DOCK8: variants seen among roughly 807,000 people sequenced by gnomAD.
DOCK8 encodes the protein dedicator of cytokinesis 8.
In DOCK8, 141 loss-of-function variants were observed where a neutral mutation model predicts 245.6. The observed-to-expected ratio is 0.57, with a 90% CI of 0.50 to 0.66. The LOEUF is 0.66. Among genes scored for constraint, DOCK8 ranks in the 30% least tolerant of loss-of-function variants. The pLI is 0.00. For synonymous variants in DOCK8, 1,168 were observed against 970.2 expected (o/e 1.20, Z -3.79); for missense variants, 2,965 against 2,603.4 (o/e 1.14, Z -3.02).
intron 2 of DOCK8, among the ~76,000 whole-genome samples, chr9:273,658 T>TAGGAAA (rs1387867307): frequency 6.6e-6 from 1 of 152,080 alleles, no homozygotes; most frequent in African/African-American, 2.4e-5. Flanking sequence ...TAACAGGCTT[T>TAGGAAA]AACCCTTTCT....
chr9:368,354 C>T (rs954728324), intron 15 of DOCK8: 2 of 715,578 alleles, frequency 2.8e-6, no homozygotes, highest in Non-Finnish European at 5.2e-6. Flanking sequence ...GAGCTTGGAA[C>T]ATACAGATCA....
At chr9:311,807 T>G (rs1028775839) in intron 5 of DOCK8, 147 bp from the exon 6 acceptor site, 2 of 979,858 alleles carry the variant, frequency 2.0e-6, no homozygotes, top group Non-Finnish European at 1.6e-6. Context: ...GTCATTCTTA[T>G]CAAATCCGCA....
At chr9:439,761 CAGAG>C (rs753818474) in intron 40 of DOCK8, among the ~76,000 whole-genome samples, 18 of 151,904 alleles carry the variant, frequency 1.2e-4, no homozygotes, top group Non-Finnish European at 2.4e-4. Context: ...TTTTTCCTCT[CAGAG>C]AGAAAAAAAT....
intron 14 of DOCK8, among the ~76,000 whole-genome samples, chr9:346,300 A>G (rs1367013312): frequency 1.3e-5 from 2 of 152,102 alleles, no homozygotes; most frequent in African/African-American, 2.4e-5. Flanking sequence ...ATGTGACCCA[A>G]CAGCTGGTAC....
intron 14 of DOCK8, among the ~76,000 whole-genome samples, chr9:365,087 C>G (rs1485373914): frequency 1.5e-4 from 23 of 152,186 alleles, no homozygotes; most frequent in Non-Finnish European, 8.8e-5. Flanking sequence ...AAGGTCAGAG[C>G]CATTGCCAAG....
In DOCK8 at chr9:377,064, A is replaced by G. The variant is rs1364918030; in HGVS notation, c.2293A>G (p.Ser765Gly). Residue 765 changes from serine (S) to glycine (G), a missense_variant, in exon 20 of 48, where the codon AGC (serine) becomes GGC (glycine). Ser to Gly is a moderately conservative substitution (Grantham distance 56). Around this residue, in one of 3 missense-constraint regions of DOCK8, gnomAD observed 2,825 missense variants for 2,453.5 expected, o/e 1.15. Coordinates refer to ENST00000432829, the MANE Select transcript of DOCK8 (RefSeq NM_203447.4). ...FPIRVLDQKI[S>G]EMALEHELKL... Reference sequence around the variant, plus strand: ...CATCCGCGTGCTGGATCAGAAAATCAGCGAGATGGCGCTGGAGCATGAGCT... The same window carrying G: ...CATCCGCGTGCTGGATCAGAAAATCGGCGAGATGGCGCTGGAGCATGAGCT... 6.2e-7 allele frequency: 1 copy of G among 1,613,616 alleles called. No homozygotes were observed. Among genetic ancestry groups the G allele is most frequent in the East Asian group, 2.2e-5 (1 of 44,880 alleles).
intron 26 of DOCK8, among the ~76,000 whole-genome samples, chr9:403,858 A>ATCTCTCTGTCTCTCTGTC (rs1554693888): frequency 7.1e-5 from 6 of 83,968 alleles, no homozygotes; most frequent in South Asian, 9.4e-4. Context: ...AAGACTCTGT[A>ATCTCTCTGTCTCTCTGTC]TCTCTCTCTC....
intron 5 of DOCK8, among the ~76,000 whole-genome samples, chr9:306,926 A>G (rs1426485612): frequency 6.6e-6 from 1 of 152,154 alleles, no homozygotes; most frequent in Admixed American, 6.6e-5. Context: ...CTCAGAGGGA[A>G]AAACCTCATG....
At chr9:397,461 G>A (rs187884908) in intron 25 of DOCK8, among the ~76,000 whole-genome samples, 1 of 151,828 alleles carries the variant, frequency 6.6e-6, no homozygotes, top group Admixed American at 6.6e-5. Flanking sequence ...GGCAAGGGTG[G>A]TCAGATCACT....
chr9:340,402 C>T, intron 14 of DOCK8, 81 bp downstream of exon 14: 1 of 1,570,992 alleles, frequency 6.4e-7, no homozygotes, highest in Non-Finnish European at 8.7e-7. Context: ...AGGAGGATTG[C>T]TTGAGCTCAG....
intron 46 of DOCK8, among the ~76,000 whole-genome samples, chr9:463,057 G>T (rs1244920211): frequency 1.3e-5 from 2 of 152,112 alleles, no homozygotes; most frequent in South Asian, 2.1e-4. Flanking sequence ...CTCAATTCTG[G>T]CTAGGTTGGC....
Position 340,324 on chromosome 9 carries a change from A to G in DOCK8, c.1679+3A>G. On this transcript the variant is annotated splice_donor_region_variant and intron_variant, in intron 14 of 47. Coordinates refer to ENST00000432829, the MANE Select transcript of DOCK8 (RefSeq NM_203447.4). Reference sequence around the variant, plus strand: ...TATGTCCCTCACACTGTGTACAGGTAAGAAACACAGGCTCGGGCTGGGCGT... The same window carrying G: ...TATGTCCCTCACACTGTGTACAGGTGAGAAACACAGGCTCGGGCTGGGCGT... The G allele has an allele frequency of 5.0e-6, 8 of 1,614,068 alleles. No individual in the cohort carries two copies. Among genetic ancestry groups the G allele is most frequent in the Non-Finnish European group, 6.8e-6 (8 of 1,179,938 alleles).
Position 307,499 on chromosome 9 carries a change from C to T in DOCK8, c.528+2795C>T, listed in dbSNP as rs1422868504. ...TCAGCCTCCCGAGTAGCTGGGATTA[C>T]AGACATGCGCCACCACGCCTGGCCA... On this transcript the variant is annotated intron_variant, in intron 5 of 47. Transcript: ENST00000432829. 4.0e-5 allele frequency among the ~76,000 whole-genome samples: 6 copies of T among 151,842 alleles called. 1 individual carries two copies. Among genetic ancestry groups the T allele is most frequent in the Non-Finnish European group, 8.8e-5 (6 of 67,982 alleles).
intron 20 of DOCK8, among the ~76,000 whole-genome samples, chr9:377,740 A>C (rs67323739): frequency 0.094 from 14,284 of 152,232 alleles, 2,255 homozygotes; most frequent in African/African-American, 0.32. Flanking sequence ...ATCACCTCCA[A>C]ATAAAACCCC....
intron 33 of DOCK8, among the ~76,000 whole-genome samples, chr9:423,093 G>A (rs2056343079): frequency 6.6e-6 from 1 of 151,872 alleles, no homozygotes; most frequent in Non-Finnish European, 1.5e-5. Flanking sequence ...TTTTCTTTGG[G>A]TGCTGGGAAT....
Position 215,192 on chromosome 9 carries a change from CCGCTGGACGCGCGGCGGCTCCTG to C in DOCK8, c.53+170_53+192del, listed in dbSNP as rs772880157. The C allele has an allele frequency of 3.7e-4, 557 of 1,515,738 alleles. 1 individual carries two copies. The highest frequency in any genetic ancestry group is 3.1e-4 in the Non-Finnish European group (347 of 1,137,046). 93.9% of individuals were successfully genotyped at this position (1,515,738 alleles called of 1,614,324 possible). A position where few individuals can be genotyped will look rare whatever the true frequency, so the allele number is the denominator to read the frequency against. On this transcript the variant is annotated intron_variant, in intron 1 of 47. Transcript: ENST00000432829. ...GGTTCCCGAGGCTGCGGCGGTGGAG[CCGCTGGACGCGCGGCGGCTCCTG>C]CGCTGGGCCCGGCGAGGTCCTCCCC...
At chr9:310,890 G>A (rs574135545) in intron 5 of DOCK8, among the ~76,000 whole-genome samples, 31 of 152,266 alleles carry the variant, frequency 2.0e-4, no homozygotes, top group African/African-American at 6.5e-4. Context: ...GTTCATCCCC[G>A]ACTGTGGGTG....
rs149829536 is a variant in DOCK8 at position 215,431 on chromosome 9, G to T, written c.53+402G>T. 1,262 of 1,508,190 alleles carry T rather than the reference G, an allele frequency of 8.4e-4. 7 individuals are homozygous for T. In the African/African-American group the frequency reaches 0.017, roughly 20 times the overall value. The allele number at this position is 1,508,190 out of a possible 1,614,324, so 93.4% of individuals were successfully genotyped here. ...CTTCCTTTGAGGCAAGTCTGAGCGC[G>T]GGGGGAAGAAGTGAAGTGGCTGAAA... On this transcript the variant is annotated intron_variant, in intron 1 of 47. Transcript: ENST00000432829.
intron 4 of DOCK8, among the ~76,000 whole-genome samples, chr9:302,926 G>A (rs922497368): frequency 6.6e-6 from 1 of 151,670 alleles, no homozygotes; most frequent in Non-Finnish European, 1.5e-5. Flanking sequence ...CCAGGAGGTT[G>A]AGACCAGCCT....
Sources: gnomAD v4.1 joint callset for allele counts (sites outside exome capture counted in the v4.1 genomes callset) on GRCh38, gnomAD v4.1.1 for gene constraint, gnomAD v4.1.1 regional missense constraint, MANE v1.5 for transcripts, NCBI Gene and HGNC (gene_info 2026-07-23, HGNC 2026-07-21) for gene names.